Variants in COG2 observed in about 807,000 individuals in gnomAD.
COG2 encodes the protein component of oligomeric golgi complex 2, also known as conserved oligomeric Golgi complex subunit 2.
In COG2, 52 loss-of-function variants were observed where a neutral mutation model predicts 90.6. The observed-to-expected ratio is 0.57, with a 90% CI of 0.46 to 0.72. The LOEUF (loss-of-function observed/expected upper bound fraction) is 0.72, where lower values mean the gene tolerates loss of function less well. Among genes scored for constraint, COG2 ranks in the 30% least tolerant of loss-of-function variants. The pLI is 0.00. For synonymous variants in COG2, 337 were observed against 320.4 expected, an observed-to-expected ratio of 1.05 and a Z score of -0.55; for missense variants, 829 against 891.2, an observed-to-expected ratio of 0.93 and a Z score of 0.89.
chr1:230,689,699 G>A (rs568433359), intron 15 of COG2, among the ~76,000 whole-genome samples: 28 of 152,338 alleles, frequency 1.8e-4, no homozygotes, highest in African/African-American at 6.3e-4. Context: ...ATCACCAGGT[G>A]ATTGGTGTGG....
At chr1:230,657,120 G>A (rs1662077086) in intron 1 of COG2, among the ~76,000 whole-genome samples, 1 of 152,208 alleles carries the variant, frequency 6.6e-6, no homozygotes, top group Non-Finnish European at 1.5e-5. Context: ...ATGATGCTAG[G>A]TGGTCATTTT....
At chr1:230,657,264 G>T (rs1662081947) in intron 1 of COG2, among the ~76,000 whole-genome samples, 2 of 152,138 alleles carry the variant, frequency 1.3e-5, no homozygotes, top group South Asian at 4.1e-4. Flanking sequence ...AGACTTGGTG[G>T]TGACAAAATC....
chr1:230,681,912 C>G (rs1316620476), intron 10 of COG2: 1 of 152,224 alleles, frequency 6.6e-6, no homozygotes, highest in Non-Finnish European at 1.5e-5. Flanking sequence ...GGCAGAACGT[C>G]TCTGTGAAGT....
At chr1:230,670,606 A>C (rs951374145) in intron 7 of COG2, 1 of 152,086 alleles carries the variant, frequency 6.6e-6, no homozygotes, top group Admixed American at 6.5e-5. Context: ...TTCTTTGTCA[A>C]TAAGTGAAAA....
chr1:230,655,432 G>A (rs1173430717), intron 1 of COG2, among the ~76,000 whole-genome samples: 9 of 152,132 alleles, frequency 5.9e-5, no homozygotes, highest in East Asian at 3.8e-4. Context: ...CCAGCCTTGC[G>A]TTGCAGGGAT....
chr1:230,683,698 C>A, intron 11 of COG2, 63 bp downstream of exon 11: 9 of 1,059,530 alleles, frequency 8.5e-6, no homozygotes, highest in South Asian at 3.8e-5. Context: ...TTCACCAAGT[C>A]ATCTGGATTG....
intron 9 of COG2, 27 bp downstream of exon 9, chr1:230,675,151 C>T (rs1464888004): frequency 6.3e-7 from 1 of 1,598,466 alleles, no homozygotes; most frequent in Non-Finnish European, 8.5e-7. Flanking sequence ...CGTCTTGATT[C>T]TTGAAGATGT....
intron 17 of COG2, 172 bp downstream of exon 17, chr1:230,691,736 A>G (rs966195251): frequency 1.7e-6 from 1 of 585,976 alleles, no homozygotes; most frequent in Non-Finnish European, 2.9e-6. Context: ...CCTAGGCAGT[A>G]TGAGACGGCA....
intron 1 of COG2, chr1:230,642,902 C>T (rs1661662065): frequency 7.4e-6 from 4 of 543,410 alleles, no homozygotes; most frequent in South Asian, 7.0e-5. Context: ...ATGGAAAGGC[C>T]TGAAAGTTCT....
intron 9 of COG2, chr1:230,678,189 GC>G (rs1241696968): frequency 1.0e-6 from 1 of 985,282 alleles, no homozygotes; most frequent in African/African-American, 1.7e-5. Context: ...GCAACATGCA[GC>G]CGCAGTTTTG....
At chr1:230,649,391 G>A (rs1193255952) in intron 1 of COG2, among the ~76,000 whole-genome samples, 1 of 152,166 alleles carries the variant, frequency 6.6e-6, no homozygotes, top group Non-Finnish European at 1.5e-5. Flanking sequence ...ATAGCTTGCT[G>A]TTGTGAGGAA....
At chr1:230,686,847 T>G in intron 12 of COG2, 88 bp from the exon 13 acceptor site, 1 of 722,350 alleles carries the variant, frequency 1.4e-6, no homozygotes, top group Non-Finnish European at 2.1e-6. Flanking sequence ...CATTTAATGG[T>G]GAGTTATTGA....
In COG2 at chr1:230,642,632, C is replaced by T. The variant is rs752456192; in HGVS notation, c.26C>T (p.Pro9Leu). 3.7e-6 allele frequency: 6 copies of T among 1,613,268 alleles called. No individual in the cohort carries two copies. The South Asian group carries it at 6.6e-5, about 18-fold the overall frequency. The change falls in exon 1 of 18, where the codon CCC (proline) becomes CTC (leucine). Residue 9 changes from proline to leucine, a missense_variant. Physicochemically the swap from Pro to Leu is moderately conservative, Grantham distance 98. Transcript: ENST00000366669. ...ATGGAGAAAAGTAGGATGAACCTGCCCAAGGGGCCGGACACGCTCTGCTTC... is the reference window on the plus strand; with the variant it reads ...ATGGAGAAAAGTAGGATGAACCTGCTCAAGGGGCCGGACACGCTCTGCTTC... MEKSRMNL[P>L]KGPDTLCFDK... is the part of the protein sequence containing the mutation.
intron 12 of COG2, among the ~76,000 whole-genome samples, chr1:230,686,252 G>A (rs933114879): frequency 2.0e-5 from 3 of 152,160 alleles, no homozygotes; most frequent in Non-Finnish European, 2.9e-5. Context: ...CCTTTCCTCC[G>A]CTCAGAAGGG....
intron 7 of COG2, chr1:230,670,620 T>C (rs964195266): frequency 6.6e-6 from 1 of 152,026 alleles, no homozygotes; most frequent in Non-Finnish European, 1.5e-5. Context: ...GTGAAAAAAT[T>C]TTTTTGTGCT....
At chr1:230,644,883 G>T (rs949011766) in intron 1 of COG2, among the ~76,000 whole-genome samples, 1 of 152,132 alleles carries the variant, frequency 6.6e-6, no homozygotes, top group African/African-American at 2.4e-5. Flanking sequence ...TATTTCAGTG[G>T]TTTTTATGAG....
intron 1 of COG2, among the ~76,000 whole-genome samples, chr1:230,644,047 A>G (rs1661695559): frequency 6.6e-6 from 1 of 152,216 alleles, no homozygotes; most frequent in South Asian, 2.1e-4. Context: ...CAACACCAGC[A>G]TCTTCTCTGA....
At chr1:230,686,860 C>A in intron 12 of COG2, 75 bp from the exon 13 acceptor site, 2 of 878,780 alleles carry the variant, frequency 2.3e-6, no homozygotes, top group Non-Finnish European at 1.7e-6. Flanking sequence ...GTTATTGACG[C>A]GCACATATGT....
intron 7 of COG2, chr1:230,669,945 A>C (rs1662409775): frequency 6.4e-6 from 1 of 157,406 alleles, no homozygotes. Flanking sequence ...GAGTGCTGTG[A>C]GTGTGGAAAG....
Sources: allele counts gnomAD v4.1 joint callset (sites outside exome capture counted in the v4.1 genomes callset), GRCh38; gene constraint gnomAD v4.1.1; transcripts MANE v1.5; gene names NCBI Gene and HGNC (gene_info 2026-07-23, HGNC 2026-07-21).